Variants in EYS observed in about 807,000 individuals in gnomAD.
EYS encodes the protein EGF-like photoreceptor maintenance factor, also known as protein eyes shut homolog.
Under a neutral mutation model 282.1 loss-of-function variants are expected in EYS, and 250 were observed. The observed-to-expected ratio is 0.89, with a 90% CI of 0.80 to 0.98. The LOEUF (loss-of-function observed/expected upper bound fraction) is 0.98. EYS is among the 50% of genes least tolerant of loss of function. EYS has a pLI of 0.00. For synonymous variants in EYS, 1,355 were observed against 1,282.9 expected (o/e 1.06, Z -1.20); for missense variants, 4,016 against 3,709.0 (o/e 1.08, Z -2.15).
chr6:63,854,325 A>G (rs1359940705), intron 36 of EYS, among the ~76,000 whole-genome samples: 1 of 152,130 alleles, frequency 6.6e-6, no homozygotes, highest in Non-Finnish European at 1.5e-5. Flanking sequence ...GAAGCTGGAA[A>G]CCATCATTCT....
intron 19 of EYS, among the ~76,000 whole-genome samples, chr6:64,865,306 A>G (rs1766394174): frequency 6.6e-6 from 1 of 152,166 alleles, no homozygotes; most frequent in Non-Finnish European, 1.5e-5. Flanking sequence ...AAAATAAAAG[A>G]GATCATATAA....
intron 35 of EYS, among the ~76,000 whole-genome samples, chr6:63,930,952 GT>G (rs1764874181): frequency 6.6e-6 from 1 of 152,100 alleles, no homozygotes; most frequent in Admixed American, 6.6e-5. Context: ...CCCCTTTCTG[GT>G]TGTTTGAGAG....
At chr6:64,707,966 T>C (rs1047759833) in intron 22 of EYS, among the ~76,000 whole-genome samples, 1 of 152,082 alleles carries the variant, frequency 6.6e-6, no homozygotes, top group Non-Finnish European at 1.5e-5. Flanking sequence ...CAGTGAGGAT[T>C]TGCATGGGTT....
At chr6:64,945,336 T>C (rs189146665) in intron 15 of EYS, among the ~76,000 whole-genome samples, 1 of 152,160 alleles carries the variant, frequency 6.6e-6, no homozygotes, top group Admixed American at 6.5e-5. Flanking sequence ...AATTGAATTA[T>C]GGAATATGTG....
intron 1 of EYS, among the ~76,000 whole-genome samples, chr6:65,682,564 GTTTA>G (rs1403071339): frequency 1.3e-5 from 2 of 151,714 alleles, no homozygotes; most frequent in Admixed American, 6.6e-5. Context: ...TCACATATTA[GTTTA>G]TTTAATACAG....
At chr6:64,298,067 T>C (rs965723263) in intron 30 of EYS, among the ~76,000 whole-genome samples, 1 of 152,012 alleles carries the variant, frequency 6.6e-6, no homozygotes, top group Admixed American at 6.6e-5. Flanking sequence ...TGGACCTTCC[T>C]TGCTAGAAAT....
intron 31 of EYS, among the ~76,000 whole-genome samples, chr6:64,174,421 A>C (rs966283197): frequency 6.6e-6 from 1 of 152,046 alleles, no homozygotes; most frequent in Admixed American, 6.6e-5. Context: ...TACTTATAAT[A>C]GTAATACTTA....
chr6:64,651,750 A>G (rs1276788311), intron 22 of EYS, among the ~76,000 whole-genome samples: 1 of 152,244 alleles, frequency 6.6e-6, no homozygotes, highest in Admixed American at 6.5e-5. Flanking sequence ...AAGAGATTTT[A>G]TATATCACTG....
intron 24 of EYS, among the ~76,000 whole-genome samples, chr6:64,609,534 T>C (rs1475252599): frequency 6.6e-6 from 1 of 152,112 alleles, no homozygotes; most frequent in Non-Finnish European, 1.5e-5. Flanking sequence ...GGCAAAGTTG[T>C]AGGACTTCGG....
chr6:65,023,195 C>T (rs953515891), intron 13 of EYS, among the ~76,000 whole-genome samples: 19 of 152,060 alleles, frequency 1.2e-4, no homozygotes, highest in Non-Finnish European at 2.6e-4. Context: ...CTCAGTAAAG[C>T]TATTAACTTA....
intron 36 of EYS, among the ~76,000 whole-genome samples, chr6:63,839,600 C>G (rs751370107): frequency 6.6e-6 from 1 of 152,166 alleles, no homozygotes; most frequent in Non-Finnish European, 1.5e-5. Context: ...TCTCTTGCCT[C>G]TGCCTCCCAA....
At chr6:64,848,603 TGGGAGGGGCAG>T (rs1419162880) in intron 19 of EYS, among the ~76,000 whole-genome samples, 1 of 151,996 alleles carries the variant, frequency 6.6e-6, no homozygotes. Flanking sequence ...CCAATGAGAA[TGGGAGGGGCAG>T]TATAGCAGAT....
Position 65,057,725 on chromosome 6 carries a change from T to A in EYS, c.2026A>T (p.Thr676Ser). Residue 676 changes from threonine to serine, a missense_variant and splice_region_variant, in exon 13 of 43, where the codon ACG (threonine) becomes TCG (serine). Physicochemically the swap from Thr to Ser is moderately conservative, Grantham distance 58. Coordinates refer to ENST00000503581, the MANE Select transcript of EYS (RefSeq NM_001142800.2). Reference sequence around the variant, plus strand: ...TCATCTATATCAATTTCACATTGCGTACCTTTGGAAAATAGGAAAAAAAAA... The same window carrying A: ...TCATCTATATCAATTTCACATTGCGAACCTTTGGAAAATAGGAAAAAAAAA... The part of the protein sequence containing the change: ...FRKCVPGFKG[T>S]QCEIDIDECA... The A allele has an allele frequency of 2.6e-6, 4 of 1,537,594 alleles. No homozygotes were observed. The highest frequency in any genetic ancestry group is 3.5e-6 in the Non-Finnish European group (4 of 1,135,522).
intron 14 of EYS, among the ~76,000 whole-genome samples, chr6:64,995,182 G>A (rs7760665): frequency 0.44 from 66,288 of 151,924 alleles, 16,790 homozygotes; most frequent in African/African-American, 0.7. Context: ...CTGACCTACA[G>A]TGAAAACCAT....
At chr6:64,387,472 T>C (rs1400415599) in intron 29 of EYS, among the ~76,000 whole-genome samples, 2 of 152,142 alleles carry the variant, frequency 1.3e-5, no homozygotes, top group African/African-American at 4.8e-5. Flanking sequence ...TGGGAAAAAG[T>C]ATAGTTATGA....
intron 41 of EYS, among the ~76,000 whole-genome samples, chr6:63,732,359 G>C (rs1389737025): frequency 6.6e-6 from 1 of 152,020 alleles, no homozygotes; most frequent in Admixed American, 6.6e-5. Flanking sequence ...CAGTAACAAA[G>C]TACTGGGGAG....
chr6:64,178,781 C>T (rs1016232224), intron 31 of EYS, among the ~76,000 whole-genome samples: 1 of 151,974 alleles, frequency 6.6e-6, no homozygotes, highest in Non-Finnish European at 1.5e-5. Context: ...AATATATAAT[C>T]CCTTACTCCT....
intron 2 of EYS, among the ~76,000 whole-genome samples, chr6:65,624,084 C>T (rs1488350099): frequency 6.6e-6 from 1 of 152,106 alleles, no homozygotes; most frequent in Non-Finnish European, 1.5e-5. Context: ...AATTCAATAT[C>T]TCATATTACA....
intron 2 of EYS, among the ~76,000 whole-genome samples, chr6:65,578,220 T>TAC (rs1292308257): frequency 1.3e-5 from 2 of 151,238 alleles, no homozygotes; most frequent in Non-Finnish European, 3.0e-5. Flanking sequence ...TATATATATA[T>TAC]ACACACAATA....
Sources: gnomAD v4.1 joint callset for allele counts (sites outside exome capture counted in the v4.1 genomes callset) on GRCh38, gnomAD v4.1.1 for gene constraint, MANE v1.5 for transcripts, NCBI Gene and HGNC (gene_info 2026-07-23, HGNC 2026-07-21) for gene names.